TPD52L3: variants seen among roughly 807,000 people sequenced by gnomAD.
The protein encoded by TPD52L3 is tumor protein D55.
A neutral mutation model predicts 8.7 loss-of-function variants in TPD52L3; 12 were observed. The observed-to-expected ratio is 1.38, with a 90% confidence interval of 0.89 to 2.24. The LOEUF (loss-of-function observed/expected upper bound fraction) is 2.24, where lower values mean the gene tolerates loss of function less well. Ranked by LOEUF, TPD52L3 falls within the 30% of genes most tolerant of loss-of-function variation. The pLI is 0.00. For missense variants in TPD52L3, 207 were observed against 158.7 expected (o/e 1.30, Z -1.64); for synonymous variants, 79 against 66.8 (o/e 1.18, Z -0.89).
Position 6,328,770 on chromosome 9 carries a change from G to T in TPD52L3, c.175G>T (p.Glu59Ter). Residue 59 changes from glutamate to a stop codon, truncating the protein, a stop_gained, in exon 1 of 2, where the codon GAA becomes TAA. Coordinates refer to ENST00000314556, the MANE Select transcript of TPD52L3 (RefSeq NM_001001874.3). LOFTEE classifies it high-confidence loss of function. Reference sequence around the variant, plus strand: ...AGCAGCCAAAGAGAGACGCTGTGGGGAACTCAAGAGGAAGTTAGGCCTCAC... The same window carrying T: ...AGCAGCCAAAGAGAGACGCTGTGGGTAACTCAAGAGGAAGTTAGGCCTCAC... ...VLAAKERRCG[E>*]LKRKLGLTAL... The T allele has an allele frequency of 1.2e-6, 2 of 1,614,168 alleles. No homozygotes were observed. Among genetic ancestry groups the T allele is most frequent in the Non-Finnish European group, 1.7e-6 (2 of 1,180,024 alleles).
chr9:6,331,128 C>A lies in TPD52L3; in HGVS notation c.*109C>A. On this transcript the variant is annotated 3_prime_UTR_variant, in exon 2 of 2. Coordinates refer to ENST00000314556, the MANE Select transcript of TPD52L3 (RefSeq NM_001001874.3). Reference sequence around the variant, plus strand: ...ACAAAAATATCGTGTTTATTCAAAGCCAATCTGAGACCCTACTCTGTATCA... The same window carrying A: ...ACAAAAATATCGTGTTTATTCAAAGACAATCTGAGACCCTACTCTGTATCA... 1 of 1,178,176 alleles carries A rather than the reference C, an allele frequency of 8.5e-7. No homozygotes were observed. The highest frequency in any genetic ancestry group is 1.2e-6 in the Non-Finnish European group (1 of 812,236). The allele number at this position is 1,178,176 out of a possible 1,614,324, so 73.0% of individuals were successfully genotyped here. A position where few individuals can be genotyped will look rare whatever the true frequency, so the allele number is the denominator to read the frequency against.
intron 1 of TPD52L3, chr9:6,330,019 G>A: frequency 1.5e-6 from 2 of 1,377,200 alleles, no homozygotes; most frequent in Non-Finnish European, 1.9e-6. Flanking sequence ...CCAGCTGAGG[G>A]GCTGGAGGAA....
rs558962138 is a variant in TPD52L3, at chr9:6,331,576, A to T, written c.*557A>T. On this transcript the variant is annotated 3_prime_UTR_variant, in exon 2 of 2. Coordinates refer to ENST00000314556, the MANE Select transcript of TPD52L3 (RefSeq NM_001001874.3). ...AATCATAAGTAGTCTTACATACTACATTAGATATCAATATTTAAGCCTGTA... is the reference window on the plus strand; with the variant it reads ...AATCATAAGTAGTCTTACATACTACTTTAGATATCAATATTTAAGCCTGTA... 6.6e-6 allele frequency: 1 copy of T among 152,338 alleles called. No individual in the cohort carries two copies. Among genetic ancestry groups the T allele is most frequent in the East Asian group, 1.9e-4 (1 of 5,186 alleles). The allele number at this position is 152,338 out of a possible 1,614,324, so 9.4% of individuals were successfully genotyped here.
At chr9:6,329,624 G>T in intron 1 of TPD52L3, 2 of 1,001,456 alleles carry the variant, frequency 2.0e-6, no homozygotes, top group Non-Finnish European at 1.2e-6. Flanking sequence ...CAGTCTCAAA[G>T]TCACCTTGAA....
chr9:6,329,830 T>A, intron 1 of TPD52L3: 1 of 1,106,580 alleles, frequency 9.0e-7, no homozygotes, highest in Non-Finnish European at 1.1e-6. Context: ...AAATTATTAC[T>A]ACTTTGAACA....
intron 1 of TPD52L3, 42 bp downstream of exon 1, chr9:6,329,004 A>T (rs1285984135): frequency 1.2e-6 from 2 of 1,613,844 alleles, no homozygotes; most frequent in Non-Finnish European, 1.7e-6. Context: ...AGGGGGCAAA[A>T]GAGCTTGGCC....
chr9:6,329,814 T>C, intron 1 of TPD52L3: 1 of 1,077,866 alleles, frequency 9.3e-7, no homozygotes, highest in Non-Finnish European at 1.1e-6. Context: ...ACAGTGTCAG[T>C]TTAGGAAATT....
intron 1 of TPD52L3, chr9:6,329,929 G>A: frequency 7.7e-7 from 1 of 1,294,602 alleles, no homozygotes; most frequent in Non-Finnish European, 9.8e-7. Context: ...CCTTGAAGCA[G>A]CATGTCTTTG....
At position 6,328,921 on chromosome 9, in the gene TPD52L3, T is replaced by C; in HGVS notation, c.326T>C (p.Leu109Pro). The C allele has an allele frequency of 1.2e-6, 2 of 1,614,160 alleles. No individual in the cohort carries two copies. Among genetic ancestry groups the C allele is most frequent in the African/African-American group, 1.3e-5 (1 of 75,040 alleles). ...STMGTLICRK[L>P]GGVKKSATFR... Reference sequence around the variant, plus strand: ...ATGGGCACTCTCATCTGCAGGAAGCTTGGAGGCGTGAAGAAGTCGGCCACA... The same window carrying C: ...ATGGGCACTCTCATCTGCAGGAAGCCTGGAGGCGTGAAGAAGTCGGCCACA... The change falls in exon 1 of 2, where the codon CTT becomes CCT. Residue 109 changes from leucine to proline, a missense_variant. Coordinates refer to ENST00000314556, the MANE Select transcript of TPD52L3 (RefSeq NM_001001874.3).
Position 6,331,196 on chromosome 9 carries a change from T to C in TPD52L3, c.*177T>C, listed in dbSNP as rs1818144512. 1 of 584,050 alleles carries C rather than the reference T, an allele frequency of 1.7e-6. No homozygotes were observed. The highest frequency in any genetic ancestry group is 3.0e-6 in the Non-Finnish European group (1 of 335,248). The allele number at this position is 584,050 out of a possible 1,614,324, so 36.2% of individuals were successfully genotyped here. On this transcript the variant is annotated 3_prime_UTR_variant, in exon 2 of 2. Coordinates refer to ENST00000314556, the MANE Select transcript of TPD52L3 (RefSeq NM_001001874.3). ...TGAAAGCATAGAATTAGACATCGTA[T>C]GTGCCCTCTAGAAACACTTAGACTT... is the stretch of plus-strand genomic sequence containing the variant.
rs1818146392 is a variant in TPD52L3 at position 6,331,322 on chromosome 9, A to G, written c.*303A>G. Reference sequence around the variant, plus strand: ...TTCAACTCTGTCTTGGTAGGTCAGTAAAGACTTTAGAGAGACAGAAAGTCT... The same window carrying G: ...TTCAACTCTGTCTTGGTAGGTCAGTGAAGACTTTAGAGAGACAGAAAGTCT... On this transcript the variant is annotated 3_prime_UTR_variant, in exon 2 of 2. Coordinates refer to ENST00000314556, the MANE Select transcript of TPD52L3 (RefSeq NM_001001874.3). 3.8e-6 allele frequency: 1 copy of G among 263,116 alleles called. No individual in the cohort carries two copies. The highest frequency in any genetic ancestry group is 7.2e-6 in the Non-Finnish European group (1 of 139,594). The allele number at this position is 263,116 out of a possible 1,614,324, so 16.3% of individuals were successfully genotyped here. A position where few individuals can be genotyped will look rare whatever the true frequency, so the allele number is the denominator to read the frequency against.
chr9:6,329,168 C>T, intron 1 of TPD52L3: 2 of 1,458,298 alleles, frequency 1.4e-6, no homozygotes, highest in Non-Finnish European at 1.8e-6. Flanking sequence ...CCAGAATGAG[C>T]CCCCTTGGTA....
intron 1 of TPD52L3, chr9:6,330,327 T>C: frequency 6.6e-7 from 1 of 1,519,296 alleles, no homozygotes; most frequent in Non-Finnish European, 8.8e-7. Flanking sequence ...ATTTTCAAAA[T>C]GCCAAGATCT....
intron 1 of TPD52L3, chr9:6,330,177 T>C (rs746547028): frequency 8.1e-6 from 13 of 1,613,934 alleles, no homozygotes; most frequent in African/African-American, 1.3e-5. Context: ...TGCCCTTCTT[T>C]TTAGGAAACC....
chr9:6,329,963 G>A lies in TPD52L3; in HGVS notation c.367+1001G>A, dbSNP rs187563175. ...TGCCATAGCAGCACTTCACTTAAAA[G>A]GAAGAAATTGCCTCTCTGGCAGCAA... On this transcript the variant is annotated intron_variant, in intron 1 of 1. Transcript: ENST00000314556. 1.4e-5 allele frequency: 19 copies of A among 1,319,964 alleles called. No homozygotes were observed. In the African/African-American group the frequency reaches 2.3e-4, roughly 16 times the overall value. 81.8% of individuals were successfully genotyped at this position (1,319,964 alleles called of 1,614,324 possible). A position where few individuals can be genotyped will look rare whatever the true frequency, so the allele number is the denominator to read the frequency against.
At chr9:6,330,191 AAGG>A (rs761733226) in intron 1 of TPD52L3, 1 of 1,614,132 alleles carries the variant, frequency 6.2e-7, no homozygotes, top group Non-Finnish European at 8.5e-7. Flanking sequence ...GGAAACCCTA[AAGG>A]AGAAGGAAGC....
intron 1 of TPD52L3, chr9:6,330,688 G>A (rs1387194574): frequency 4.9e-6 from 6 of 1,226,666 alleles, no homozygotes; most frequent in Non-Finnish European, 5.1e-6. Flanking sequence ...TTTTTAATTT[G>A]TTGTGTTTAT....
chr9:6,330,447 T>C, intron 1 of TPD52L3: 1 of 1,326,896 alleles, frequency 7.5e-7, no homozygotes. Flanking sequence ...AATCTCTCAC[T>C]GCCTAAAATG....
intron 1 of TPD52L3, chr9:6,330,178 T>G (rs1818122135): frequency 1.2e-6 from 2 of 1,613,946 alleles, no homozygotes; most frequent in Non-Finnish European, 1.7e-6. Context: ...GCCCTTCTTT[T>G]TAGGAAACCC....
Sources: gnomAD v4.1 joint callset for allele counts on GRCh38, gnomAD v4.1.1 for gene constraint, MANE v1.5 for transcripts, NCBI Gene and HGNC (gene_info 2026-07-23, HGNC 2026-07-21) for gene names.